NBEAL1: variants seen among roughly 807,000 people sequenced by gnomAD.
NBEAL1 encodes the protein neurobeachin like 1.
In NBEAL1, 273 loss-of-function variants were observed where a neutral mutation model predicts 351.3. That is an observed-to-expected ratio of 0.78 (90% confidence interval 0.70 to 0.86). NBEAL1 has a LOEUF of 0.86. Among genes scored for constraint, NBEAL1 ranks in the 40% least tolerant of loss-of-function variants. The probability of loss-of-function intolerance (pLI) is 0.00; values close to 1 mark genes in which losing one functional copy is unlikely to be tolerated. For missense variants in NBEAL1, 2,961 were observed against 3,201.3 expected, an observed-to-expected ratio of 0.92 and a Z score of 1.81; for synonymous variants, 1,050 against 1,086.4, an observed-to-expected ratio of 0.97 and a Z score of 0.66.
At chr2:203,103,412 C>T (rs1174583365) in intron 12 of NBEAL1, among the ~76,000 whole-genome samples, 4 of 152,052 alleles carry the variant, frequency 2.6e-5, no homozygotes, top group African/African-American at 9.7e-5. Flanking sequence ...GCTGGGATTA[C>T]AGGCACATGC....
At chr2:203,162,966 A>G (rs2064014714) in intron 36 of NBEAL1, among the ~76,000 whole-genome samples, 1 of 152,146 alleles carries the variant, frequency 6.6e-6, no homozygotes, top group Non-Finnish European at 1.5e-5. Flanking sequence ...TCTGGCCAAC[A>G]TAATGAAACC....
chr2:203,210,974 A>C lies in NBEAL1; in HGVS notation c.7802A>C (p.His2601Pro). 1 of 1,584,246 alleles carries C rather than the reference A, an allele frequency of 6.3e-7. No homozygotes were observed. Among genetic ancestry groups the C allele is most frequent in the Non-Finnish European group, 8.6e-7 (1 of 1,164,528 alleles). Residue 2601 changes from histidine (H) to proline (P), a missense_variant, in exon 54 of 56, where the codon CAT (histidine) becomes CCT (proline). Physicochemically the swap from His to Pro is moderately conservative, Grantham distance 77. Transcript: ENST00000683969. ...KTTLKDKNAL[H>P]LFSINGKYLG... The stretch of plus-strand genomic sequence containing the variant: ...TCTTTTCAGGATAAGAATGCATTAC[A>C]TCTGTTTTCTATAAATGGCAAGTAT...
intron 38 of NBEAL1, among the ~76,000 whole-genome samples, chr2:203,168,944 T>C (rs1381226001): frequency 6.6e-6 from 1 of 151,646 alleles, no homozygotes; most frequent in African/African-American, 2.4e-5. Flanking sequence ...TTTTAATAGT[T>C]AAAGAAACTA....
At chr2:203,081,599 CAA>C (rs1458240739) in intron 8 of NBEAL1, among the ~76,000 whole-genome samples, 1 of 152,128 alleles carries the variant, frequency 6.6e-6, no homozygotes, top group African/African-American at 2.4e-5. Flanking sequence ...TAATTAAAAA[CAA>C]AGTAATAAAT....
intron 10 of NBEAL1, among the ~76,000 whole-genome samples, chr2:203,094,523 TA>T (rs779721112): frequency 2.0e-5 from 3 of 152,234 alleles, no homozygotes; most frequent in Non-Finnish European, 2.9e-5. Flanking sequence ...ATAAACAATT[TA>T]TGAATCAGAT....
At position 203,126,939 on chromosome 2, in the gene NBEAL1, T is replaced by TG; in HGVS notation, c.3248+14dup. ...GGATTTATTATGGGTATGATGCCCTTGTTCTTTCTCAGTTTGATATATTAT... is the reference window on the plus strand; with the variant it reads ...GGATTTATTATGGGTATGATGCCCTTGGTTCTTTCTCAGTTTGATATATTAT... On this transcript the variant is annotated intron_variant, in intron 23 of 55. Coordinates refer to ENST00000683969, the MANE Select transcript of NBEAL1 (RefSeq NM_001378026.1). 6.7e-7 allele frequency: 1 copy of TG among 1,492,238 alleles called. No individual in the cohort carries two copies. The highest frequency in any genetic ancestry group is 9.1e-7 in the Non-Finnish European group (1 of 1,095,228). 92.4% of individuals were successfully genotyped at this position (1,492,238 alleles called of 1,614,324 possible).
chr2:203,190,166 AC>A, intron 45 of NBEAL1, 125 bp from the exon 46 acceptor site: 1 of 7,954 alleles, frequency 1.3e-4, no homozygotes. Context: ...GTGTACACAC[AC>A]ACACACACAC....
Position 203,107,417 on chromosome 2 carries a change from T to G in NBEAL1, c.1270-3T>G. On this transcript the variant is annotated splice_polypyrimidine_tract_variant and splice_region_variant and intron_variant, in intron 12 of 55. Transcript: ENST00000683969. ...TTTGATATATTGTCTTCCCATCCCC[T>G]AGGAAGTATTTAAAGAAAGAATTGG... The G allele has an allele frequency of 2.7e-6, 4 of 1,490,186 alleles. No individual in the cohort carries two copies. In the South Asian group the frequency reaches 3.7e-5, roughly 14 times the overall value. The allele number at this position is 1,490,186 out of a possible 1,614,324, so 92.3% of individuals were successfully genotyped here. A position where few individuals can be genotyped will look rare whatever the true frequency, so the allele number is the denominator to read the frequency against.
In NBEAL1 at chr2:203,113,062, T is replaced by A. The variant is rs1401478127; in HGVS notation, c.2250T>A (p.Thr750=). ...GTTCAGCTGGGCAAAGAACCACCACTCCTCCACCATCCCAAATCCCAGATC... is the reference window on the plus strand; with the variant it reads ...GTTCAGCTGGGCAAAGAACCACCACACCTCCACCATCCCAAATCCCAGATC... ...CIGSAGQRTT[T]PPPSQIPDPP... is the part of the protein sequence containing the mutation. The change falls in exon 17 of 56, where the codon ACT becomes ACA. Residue 750 remains threonine, a synonymous_variant. Transcript: ENST00000683969. 1.3e-6 allele frequency: 2 copies of A among 1,543,824 alleles called. No homozygotes were observed. Among genetic ancestry groups the A allele is most frequent in the African/African-American group, 2.7e-5 (2 of 73,116 alleles).
intron 24 of NBEAL1, among the ~76,000 whole-genome samples, chr2:203,128,621 CAG>C (rs1243492632): frequency 1.7e-5 from 2 of 119,680 alleles, no homozygotes; most frequent in Non-Finnish European, 3.4e-5. Flanking sequence ...TTTTTTGAGA[CAG>C]AGTCTTGTTC....
At chr2:203,181,837 A>T (rs2064727284) in intron 43 of NBEAL1, 1 of 152,178 alleles carries the variant, frequency 6.6e-6, no homozygotes, top group Admixed American at 6.5e-5. Context: ...CTGATCCTAA[A>T]CTCTCAGTCA....
chr2:203,162,957 C>T (rs1376401797), intron 36 of NBEAL1, among the ~76,000 whole-genome samples: 1 of 152,162 alleles, frequency 6.6e-6, no homozygotes, highest in African/African-American at 2.4e-5. Flanking sequence ...AGTTTTGAGT[C>T]TGGCCAACAT....
intron 49 of NBEAL1, among the ~76,000 whole-genome samples, chr2:203,200,937 T>C (rs1325133285): frequency 6.6e-6 from 1 of 152,252 alleles, no homozygotes; most frequent in Non-Finnish European, 1.5e-5. Context: ...AATAAAGTTT[T>C]ATAGCTAGAG....
Position 203,210,442 on chromosome 2 carries a change from A to G in NBEAL1, c.7786-516A>G, listed in dbSNP as rs542260403. Among the ~76,000 whole-genome samples, 6 of 151,612 alleles carry G rather than the reference A, an allele frequency of 4.0e-5. No homozygotes were observed. In the East Asian group the frequency reaches 1.2e-3, roughly 30 times the overall value. On this transcript the variant is annotated intron_variant, in intron 53 of 55. Coordinates refer to ENST00000683969, the MANE Select transcript of NBEAL1 (RefSeq NM_001378026.1). Reference sequence around the variant, plus strand: ...TTTGGGAGGCCGAGGTGGGCGGATCACAAGGTCAGGAGATCGAGACCATCC... The same window carrying G: ...TTTGGGAGGCCGAGGTGGGCGGATCGCAAGGTCAGGAGATCGAGACCATCC...
chr2:203,138,757 A>G lies in NBEAL1; in HGVS notation c.4848+9A>G, dbSNP rs2063288475. On this transcript the variant is annotated intron_variant, in intron 31 of 55. Transcript: ENST00000683969. ...GAAGGGGTAATTTGCAGGTTTGTCCATTCTTTTATATTATTTTCTGTGCTT... is the reference window on the plus strand; with the variant it reads ...GAAGGGGTAATTTGCAGGTTTGTCCGTTCTTTTATATTATTTTCTGTGCTT... 1 of 1,601,162 alleles carries G rather than the reference A, an allele frequency of 6.2e-7. No homozygotes were observed. The highest frequency in any genetic ancestry group is 1.4e-5 in the African/African-American group (1 of 73,914).
chr2:203,207,932 A>T (rs953351520), intron 51 of NBEAL1, among the ~76,000 whole-genome samples: 1 of 152,264 alleles, frequency 6.6e-6, no homozygotes, highest in Admixed American at 6.5e-5. Flanking sequence ...ACTAAAAATC[A>T]AAGACAGTCA....
intron 48 of NBEAL1, among the ~76,000 whole-genome samples, chr2:203,198,760 G>A (rs1394570806): frequency 6.6e-6 from 1 of 151,136 alleles, no homozygotes; most frequent in African/African-American, 2.4e-5. Flanking sequence ...CTACTCAAGA[G>A]GCTGAGGTCA....
At chr2:203,202,234 T>TA (rs2065420079) in intron 50 of NBEAL1, among the ~76,000 whole-genome samples, 4 of 152,292 alleles carry the variant, frequency 2.6e-5, no homozygotes, top group African/African-American at 7.2e-5. Flanking sequence ...AGATAACACT[T>TA]ACGTCTGCAG....
At chr2:203,157,565 A>G (rs1575059484) in intron 35 of NBEAL1, 134 bp from the exon 36 acceptor site, 2 of 531,516 alleles carry the variant, frequency 3.8e-6, no homozygotes, top group East Asian at 7.0e-5. Context: ...TCTAAATCAA[A>G]GTACCGTCTT....
Sources: gnomAD v4.1 joint callset for allele counts (sites outside exome capture counted in the v4.1 genomes callset) on GRCh38, gnomAD v4.1.1 for gene constraint, MANE v1.5 for transcripts, NCBI Gene and HGNC (gene_info 2026-07-23, HGNC 2026-07-21) for gene names.